DEK: variants seen among roughly 807,000 people sequenced by gnomAD.
DEK encodes protein DEK.
DEK carries 28 observed loss-of-function variants against 46.8 expected under a neutral mutation model. That is an observed-to-expected ratio of 0.60 (90% CI 0.44 to 0.82). The LOEUF is 0.82. DEK is among the 40% of genes least tolerant of loss of function. The pLI, the probability that DEK is intolerant of heterozygous loss-of-function variation, is 0.00. For missense variants in DEK, 416 were observed against 430.6 expected, an observed-to-expected ratio of 0.97 and a Z score of 0.30; for synonymous variants, 160 against 144.5, an observed-to-expected ratio of 1.11 and a Z score of -0.77.
intron 7 of DEK, among the ~76,000 whole-genome samples, chr6:18,241,588 G>A (rs931989686): frequency 1.3e-5 from 2 of 152,084 alleles, no homozygotes; most frequent in Non-Finnish European, 2.9e-5. Context: ...TGATTCCTGA[G>A]CACCTGTATA....
At chr6:18,225,962 A>T in intron 10 of DEK, 2 of 694,968 alleles carry the variant, frequency 2.9e-6, no homozygotes, top group Non-Finnish European at 4.6e-6. Flanking sequence ...GCCACATCAT[A>T]ATCTGAGTTC....
At chr6:18,249,191 C>T (rs1791253989) in intron 7 of DEK, among the ~76,000 whole-genome samples, 1 of 152,116 alleles carries the variant, frequency 6.6e-6, no homozygotes, top group South Asian at 2.1e-4. Flanking sequence ...ACTTCAAATG[C>T]TGTTTATTCT....
intron 6 of DEK, among the ~76,000 whole-genome samples, chr6:18,253,377 T>G (rs1383610462): frequency 6.6e-6 from 1 of 152,218 alleles, no homozygotes; most frequent in East Asian, 1.9e-4. Flanking sequence ...CATCTACTAC[T>G]GTGAACTTGA....
At chr6:18,235,668 T>C (rs2151080681) in intron 9 of DEK, among the ~76,000 whole-genome samples, 1 of 152,326 alleles carries the variant, frequency 6.6e-6, no homozygotes, top group South Asian at 2.1e-4. Context: ...AATTTTTTTT[T>C]GGTAGAGACG....
intron 5 of DEK, 123 bp from the exon 6 acceptor site, chr6:18,255,974 G>T: frequency 1.8e-6 from 2 of 1,134,402 alleles, no homozygotes; most frequent in South Asian, 2.0e-5. Context: ...AGTGGCCAAT[G>T]CTTCTATGAA....
At chr6:18,250,286 G>A (rs551026553) in intron 6 of DEK, among the ~76,000 whole-genome samples, 1 of 152,020 alleles carries the variant, frequency 6.6e-6, no homozygotes, top group African/African-American at 2.4e-5. Context: ...TGGCTAACAC[G>A]GTGAAACCCC....
chr6:18,237,402 T>C lies in DEK; in HGVS notation c.877A>G (p.Asn293Asp). The C allele has an allele frequency of 6.3e-7, 1 of 1,597,000 alleles. No individual in the cohort carries two copies. Among genetic ancestry groups the C allele is most frequent in the Non-Finnish European group, 8.5e-7 (1 of 1,176,278 alleles). The part of the protein sequence containing the change: ...KKADSSTTKK[N>D]QNSSKKESES... ...ATACCTTTTTTGGAACTGTTTTGAT[T>C]CTTCTTGGTGGTGCTGCTATCTGCT... Residue 293 changes from asparagine (N) to aspartate (D), a missense_variant, in exon 8 of 11, where the codon AAT (asparagine) becomes GAT (aspartate). Transcript: ENST00000652689.
At chr6:18,234,200 A>G (rs1582260202) in intron 9 of DEK, among the ~76,000 whole-genome samples, 2 of 92,168 alleles carry the variant, frequency 2.2e-5, no homozygotes, top group Admixed American at 1.4e-4. Flanking sequence ...GGTGGGGGGG[A>G]CGGGGGAGGG....
chr6:18,252,013 T>C (rs1431245111), intron 6 of DEK, among the ~76,000 whole-genome samples: 4 of 152,162 alleles, frequency 2.6e-5, no homozygotes, highest in Non-Finnish European at 5.9e-5. Flanking sequence ...AGTTTTCCTA[T>C]ACTACTCCAA....
chr6:18,231,127 A>C (rs557449545), intron 9 of DEK, among the ~76,000 whole-genome samples: 1 of 152,356 alleles, frequency 6.6e-6, no homozygotes, highest in East Asian at 1.9e-4. Context: ...TACTGGGTAC[A>C]TAACAAAATG....
chr6:18,260,726 C>T (rs1276976108), intron 2 of DEK, among the ~76,000 whole-genome samples: 1 of 152,080 alleles, frequency 6.6e-6, no homozygotes, highest in African/African-American at 2.4e-5. Flanking sequence ...CAGGGCCAGG[C>T]GTGGTGGCTC....
intron 9 of DEK, among the ~76,000 whole-genome samples, chr6:18,234,979 T>C (rs141770134): frequency 9.5e-4 from 145 of 152,310 alleles, no homozygotes; most frequent in African/African-American, 3.4e-3. Context: ...CTCTCCATGT[T>C]ATTAATCCCT....
At chr6:18,232,497 A>G (rs1216555613) in intron 9 of DEK, among the ~76,000 whole-genome samples, 3 of 152,198 alleles carry the variant, frequency 2.0e-5, no homozygotes, top group Non-Finnish European at 4.4e-5. Flanking sequence ...CCTTAAGCTG[A>G]TAAGCAACTT....
At chr6:18,259,611 A>C (rs1447226575) in intron 2 of DEK, among the ~76,000 whole-genome samples, 1 of 152,034 alleles carries the variant, frequency 6.6e-6, no homozygotes, top group Non-Finnish European at 1.5e-5. Context: ...AGAGGGGATA[A>C]ATGGATGATA....
At chr6:18,229,323 C>G (rs1186968684) in intron 9 of DEK, among the ~76,000 whole-genome samples, 11 of 152,194 alleles carry the variant, frequency 7.2e-5, no homozygotes, top group Admixed American at 7.2e-4. Context: ...AATTAGAGCG[C>G]CTCTTCTCCT....
chr6:18,239,364 A>ATTTT, intron 7 of DEK, among the ~76,000 whole-genome samples: 4 of 95,218 alleles, frequency 4.2e-5, no homozygotes, highest in African/African-American at 1.7e-4. Context: ...TTTTTTTTAA[A>ATTTT]AAAAAGAGAT....
chr6:18,230,694 T>G (rs1010874968), intron 9 of DEK, among the ~76,000 whole-genome samples: 1 of 152,172 alleles, frequency 6.6e-6, no homozygotes, highest in Non-Finnish European at 1.5e-5. Flanking sequence ...TAAATATATA[T>G]GCACCCAATA....
intron 7 of DEK, among the ~76,000 whole-genome samples, chr6:18,238,355 CACTA>C (rs1317651718): frequency 6.6e-6 from 1 of 152,096 alleles, no homozygotes; most frequent in Non-Finnish European, 1.5e-5. Context: ...TGTTCTTAAA[CACTA>C]ACCCATAGGT....
At chr6:18,264,040 C>T in intron 1 of DEK, 44 bp from the exon 2 acceptor site, 5 of 1,540,778 alleles carry the variant, frequency 3.2e-6, no homozygotes, top group Non-Finnish European at 4.4e-6. Flanking sequence ...CTCCTACTCC[C>T]GCAGGCAGGA....
Sources: allele counts gnomAD v4.1 joint callset (sites outside exome capture counted in the v4.1 genomes callset), GRCh38; gene constraint gnomAD v4.1.1; transcripts MANE v1.5; gene names NCBI Gene and HGNC (gene_info 2026-07-23, HGNC 2026-07-21).